Variants in COL21A1 observed in about 807,000 individuals in gnomAD.
COL21A1 encodes collagen alpha-1(XXI) chain.
A neutral mutation model predicts 137.9 loss-of-function variants in COL21A1; 149 were observed. The ratio of observed to expected loss-of-function variants is 1.08; its 90% CI spans 0.95 to 1.24. COL21A1 has a LOEUF of 1.24. Ranked by LOEUF, COL21A1 falls within the 50% of genes most tolerant of loss-of-function variation. COL21A1 has a pLI of 0.00. For synonymous variants in COL21A1, 456 were observed against 391.5 expected (o/e 1.16, Z -1.95); for missense variants, 1,167 against 1,158.4 (o/e 1.01, Z -0.11).
intron 1 of COL21A1, among the ~76,000 whole-genome samples, chr6:56,296,893 A>G (rs1363646244): frequency 6.6e-6 from 1 of 152,054 alleles, no homozygotes; most frequent in Non-Finnish European, 1.5e-5. Flanking sequence ...TGGGTTTCCA[A>G]TATGATTTTC....
upstream of COL21A1, among the ~76,000 whole-genome samples, chr6:56,252,458 T>TA (rs541716079): frequency 7.1e-4 from 108 of 152,316 alleles, no homozygotes; most frequent in African/African-American, 2.5e-3. Flanking sequence ...ATTTATTTTT[T>TA]AAAAAATGAA....
chr6:56,341,210 T>C (rs1490770429), intron 1 of COL21A1, among the ~76,000 whole-genome samples: 1 of 152,110 alleles, frequency 6.6e-6, no homozygotes, highest in Non-Finnish European at 1.5e-5. Context: ...AGAATATCGG[T>C]ATATAAGGAA....
chr6:56,384,539 A>G (rs979701817), intron 1 of COL21A1, among the ~76,000 whole-genome samples: 6 of 152,206 alleles, frequency 3.9e-5, no homozygotes, highest in African/African-American at 1.4e-4. Context: ...ACTTTTTCTA[A>G]GCCAAAAGAA....
At chr6:56,264,991 T>C (rs1488906195) in intron 1 of COL21A1, among the ~76,000 whole-genome samples, 2 of 152,190 alleles carry the variant, frequency 1.3e-5, no homozygotes, top group South Asian at 2.1e-4. Context: ...TGAAAAAGAC[T>C]ATAAGAAAGT....
intron 1 of COL21A1, among the ~76,000 whole-genome samples, chr6:56,365,609 T>C (rs1184308102): frequency 3.3e-5 from 5 of 152,172 alleles, no homozygotes; most frequent in African/African-American, 1.2e-4. Flanking sequence ...TTTTCTAAAA[T>C]ATTCCTGTCT....
chr6:56,167,010 A>G (rs768929699), intron 6 of COL21A1, 27 bp from the exon 7 acceptor site: 1 of 1,543,818 alleles, frequency 6.5e-7, no homozygotes, highest in Non-Finnish European at 8.9e-7. Flanking sequence ...AGTAGAATTA[A>G]AGTTGAGGCA....
At chr6:56,160,547 A>C in intron 9 of COL21A1, among the ~76,000 whole-genome samples, 1 of 152,226 alleles carries the variant, frequency 6.6e-6, no homozygotes, top group Admixed American at 6.5e-5. Context: ...TAAATTAGAC[A>C]CATGACTTAT....
At chr6:56,299,032 C>T (rs1172398076) in intron 1 of COL21A1, among the ~76,000 whole-genome samples, 1 of 152,018 alleles carries the variant, frequency 6.6e-6, no homozygotes, top group Non-Finnish European at 1.5e-5. Context: ...CAACAAAAAC[C>T]TCATCTTTTG....
chr6:56,059,344 T>G, intron 28 of COL21A1, 102 bp from the exon 29 acceptor site: 1 of 693,758 alleles, frequency 1.4e-6, no homozygotes, highest in Non-Finnish European at 2.2e-6. Flanking sequence ...AAATGTCTTT[T>G]AAAAACCAGC....
At chr6:56,368,310 A>G (rs1359880562) in intron 1 of COL21A1, among the ~76,000 whole-genome samples, 2 of 152,232 alleles carry the variant, frequency 1.3e-5, no homozygotes, top group African/African-American at 2.4e-5. Flanking sequence ...TATATACTAG[A>G]CAAATATAAA....
At chr6:56,329,280 C>T (rs1765168496) in intron 1 of COL21A1, among the ~76,000 whole-genome samples, 1 of 152,034 alleles carries the variant, frequency 6.6e-6, no homozygotes, top group Admixed American at 6.6e-5. Context: ...CACAGATGCA[C>T]ACACACTTAA....
chr6:56,192,866 C>T (rs1257426606), intron 1 of COL21A1, among the ~76,000 whole-genome samples: 4 of 152,146 alleles, frequency 2.6e-5, no homozygotes, highest in African/African-American at 4.8e-5. Context: ...CATATGCACA[C>T]GTATGTTTAT....
upstream of COL21A1, among the ~76,000 whole-genome samples, chr6:56,252,403 C>T (rs561427967): frequency 1.1e-4 from 17 of 152,250 alleles, 1 homozygote; most frequent in South Asian, 1.9e-3. Flanking sequence ...ACTTCTACAT[C>T]GGTTAGTGCC....
At chr6:56,184,154 T>C (rs1582585384) in intron 1 of COL21A1, among the ~76,000 whole-genome samples, 1 of 152,112 alleles carries the variant, frequency 6.6e-6, no homozygotes, top group Admixed American at 6.5e-5. Flanking sequence ...TCCGAATTAA[T>C]GAAAGCCACA....
At chr6:56,241,665 C>T (rs1246656115) in intron 1 of COL21A1, among the ~76,000 whole-genome samples, 1 of 152,182 alleles carries the variant, frequency 6.6e-6, no homozygotes, top group African/African-American at 2.4e-5. Flanking sequence ...CAATGCTTCT[C>T]TCTGGGATAA....
chr6:56,353,999 A>T (rs1581766818), intron 1 of COL21A1, among the ~76,000 whole-genome samples: 1 of 152,232 alleles, frequency 6.6e-6, no homozygotes, highest in African/African-American at 2.4e-5. Context: ...AAATGCTTTT[A>T]AAAGATTTTT....
At chr6:56,110,381 C>G (rs914560614) in intron 16 of COL21A1, among the ~76,000 whole-genome samples, 1 of 150,486 alleles carries the variant, frequency 6.6e-6, no homozygotes, top group Admixed American at 6.6e-5. Context: ...AAACCAACAA[C>G]TAACATTCAA....
At chr6:56,127,551 A>G (rs1309421734) in intron 12 of COL21A1, among the ~76,000 whole-genome samples, 4 of 152,220 alleles carry the variant, frequency 2.6e-5, no homozygotes, top group Non-Finnish European at 5.9e-5. Context: ...CTGAGAAGGA[A>G]TACACGGGAG....
chr6:56,123,427 G>A (rs1469247535), intron 16 of COL21A1, among the ~76,000 whole-genome samples: 1 of 152,148 alleles, frequency 6.6e-6, no homozygotes, highest in Non-Finnish European at 1.5e-5. Flanking sequence ...AATTTGAACT[G>A]AATTTCTGAG....
Sources: gnomAD v4.1 joint callset for allele counts (sites outside exome capture counted in the v4.1 genomes callset) on GRCh38, gnomAD v4.1.1 for gene constraint, MANE v1.5 for transcripts, NCBI Gene and HGNC (gene_info 2026-07-23, HGNC 2026-07-21) for gene names.